Variants in DNAH10 observed in about 807,000 individuals in gnomAD.
DNAH10 encodes the protein dynein axonemal heavy chain 10.
In DNAH10, 348 loss-of-function variants were observed where a neutral mutation model predicts 506.6. The observed-to-expected ratio is 0.69, with a 90% CI of 0.63 to 0.75. The LOEUF is 0.75. Ranked by LOEUF, DNAH10 falls within the 30% of genes least tolerant of loss-of-function variation. The pLI is 0.00. For missense variants in DNAH10, 5,179 were observed against 5,787.1 expected (o/e 0.89, Z 3.41); for synonymous variants, 2,059 against 2,198.6 (o/e 0.94, Z 1.78).
Position 123,873,716 on chromosome 12 carries a change from T to A in DNAH10, c.7938+6T>A. On this transcript the variant is annotated splice_donor_region_variant and intron_variant, in intron 46 of 78. Transcript: ENST00000673944. Reference sequence around the variant, plus strand: ...ATGACATGAATATGCCAAGGGTAGTTTGACGCTCAAGCAGGTGGAGGGATG... The same window carrying A: ...ATGACATGAATATGCCAAGGGTAGTATGACGCTCAAGCAGGTGGAGGGATG... 6.2e-7 allele frequency: 1 copy of A among 1,602,914 alleles called. No homozygotes were observed. Among genetic ancestry groups the A allele is most frequent in the Non-Finnish European group, 8.5e-7 (1 of 1,174,490 alleles).
chr12:123,851,000 C>G lies in DNAH10; in HGVS notation c.6215C>G (p.Pro2072Arg), dbSNP rs771711069. Residue 2072 changes from proline to arginine, a missense_variant, in exon 35 of 79, where the codon CCT (proline) becomes CGT (arginine). By Grantham distance (103) the Pro-to-Arg change is moderately radical (BLOSUM62 -2). Transcript: ENST00000673944. This position sits in a 1 kb window ranked among gnomAD's most constrained non-coding sequence, Gnocchi z 5.5. ...LPESVKALFRPVVVIVPDLQQ... is the reference protein window; with the variant it reads ...LPESVKALFRRVVVIVPDLQQ... ...GAGTCGGTGAAGGCGCTGTTCAGGC[C>G]TGTGGTCGTGATCGTGCCCGACCTG... The G allele has an allele frequency of 1.2e-6, 2 of 1,614,030 alleles. No homozygotes were observed. Among genetic ancestry groups the G allele is most frequent in the Non-Finnish European group, 1.7e-6 (2 of 1,179,902 alleles).
rs1175142371 is a variant in DNAH10 at position 123,785,504 on chromosome 12, G to T, written c.1231-242G>T. On this transcript the variant is annotated intron_variant, in intron 8 of 78. Transcript: ENST00000673944. The surrounding 1 kb of genome is among the most constrained non-coding windows in gnomAD (Gnocchi z 4.1). The stretch of plus-strand genomic sequence containing the variant: ...ATAAAAAATTAGCCGGTGTAGTGGT[G>T]CATGCCTGTATTCTCAGCTTACTTG... Among the ~76,000 whole-genome samples, 1 of 152,070 alleles carries T rather than the reference G, an allele frequency of 6.6e-6. No homozygotes were observed. Among genetic ancestry groups the T allele is most frequent in the Non-Finnish European group, 1.5e-5 (1 of 68,018 alleles).
At chr12:123,805,922 G>A (rs1273227186) in intron 18 of DNAH10, among the ~76,000 whole-genome samples, 2 of 151,742 alleles carry the variant, frequency 1.3e-5, no homozygotes, top group Admixed American at 1.3e-4. Flanking sequence ...GACTACAGGC[G>A]CCCACCACTA....
rs973417502 is a variant in DNAH10, at chr12:123,828,235, C to T, written c.4391+1337C>T. 4.6e-5 allele frequency among the ~76,000 whole-genome samples: 7 copies of T among 150,806 alleles called. 1 individual carries two copies. Among genetic ancestry groups the T allele is most frequent in the Non-Finnish European group, 7.4e-5 (5 of 67,866 alleles). On this transcript the variant is annotated intron_variant, in intron 25 of 78. Coordinates refer to ENST00000673944, the MANE Select transcript of DNAH10 (RefSeq NM_001372106.1). ...CGCCTGTCTCTGAGCCAGAGACCTT[C>T]GCTCTAAGAAAGGTGAATGACCCTG...
intron 52 of DNAH10, among the ~76,000 whole-genome samples, chr12:123,889,507 G>A (rs912590582): frequency 3.3e-5 from 5 of 152,140 alleles, no homozygotes; most frequent in African/African-American, 9.7e-5. Flanking sequence ...ACATTTCAGC[G>A]TGTGAGTGGA....
At position 123,867,969 on chromosome 12, in the gene DNAH10, G is replaced by A. The variant is rs1951878590; in HGVS notation, c.7369G>A (p.Glu2457Lys). The A allele has an allele frequency of 6.2e-7, 1 of 1,613,946 alleles. No homozygotes were observed. Among genetic ancestry groups the A allele is most frequent in the East Asian group, 2.2e-5 (1 of 44,884 alleles). ...AGAAATAGAAGACCTTGACCTGCTG[G>A]AGTGCTACTTCCTGGAGGCTTTGTA... ...EGEIEDLDLL[E>K]CYFLEALYCS... The change falls in exon 43 of 79, where the codon GAG (glutamate) becomes AAG (lysine). Residue 2457 changes from glutamate to lysine, a missense_variant. Glu to Lys is a moderately conservative substitution (Grantham distance 56). Transcript: ENST00000673944.
Position 123,762,612 on chromosome 12 carries a change from G to A in DNAH10, c.214+62G>A. ...CCTCCTGCCCGTCCCGGCCTCTCCG[G>A]CGGGCGCCGGGGCTGCTAGAGCCTG... On this transcript the variant is annotated intron_variant, in intron 1 of 78. Transcript: ENST00000673944. This position sits in a 1 kb window ranked among gnomAD's most constrained non-coding sequence, Gnocchi z 5.0. 6.7e-7 allele frequency: 1 copy of A among 1,481,610 alleles called. No homozygotes were observed. The highest frequency in any genetic ancestry group is 1.4e-5 in the African/African-American group (1 of 70,036). The allele number at this position is 1,481,610 out of a possible 1,614,324, so 91.8% of individuals were successfully genotyped here. A position where few individuals can be genotyped will look rare whatever the true frequency, so the allele number is the denominator to read the frequency against.
chr12:123,902,694 G>A lies in DNAH10; in HGVS notation c.9641-245G>A, dbSNP rs1953578516. Reference sequence around the variant, plus strand: ...ATGGGATTTGTCCTGGATGGAGTGGGTGGGACACAGGTGGGCCAGTTGAGG... The same window carrying A: ...ATGGGATTTGTCCTGGATGGAGTGGATGGGACACAGGTGGGCCAGTTGAGG... On this transcript the variant is annotated intron_variant, in intron 56 of 78. Coordinates refer to ENST00000673944, the MANE Select transcript of DNAH10 (RefSeq NM_001372106.1). This position sits in a 1 kb window ranked among gnomAD's most constrained non-coding sequence, Gnocchi z 4.5. 6.6e-6 allele frequency among the ~76,000 whole-genome samples: 1 copy of A among 152,168 alleles called. No homozygotes were observed. Among genetic ancestry groups the A allele is most frequent in the Admixed American group, 6.5e-5 (1 of 15,274 alleles).
Position 123,784,197 on chromosome 12 carries a change from C to T in DNAH10, c.1230+20C>T. 6.3e-7 allele frequency: 1 copy of T among 1,599,786 alleles called. No homozygotes were observed. Among genetic ancestry groups the T allele is most frequent in the Non-Finnish European group, 8.6e-7 (1 of 1,166,936 alleles). On this transcript the variant is annotated intron_variant, in intron 8 of 78. Coordinates refer to ENST00000673944, the MANE Select transcript of DNAH10 (RefSeq NM_001372106.1). Reference sequence around the variant, plus strand: ...TTCAAGGTATGCTGGGTGTGCTGCACTTTGCAGTCAGCTCTGTCAAAGAGA... The same window carrying T: ...TTCAAGGTATGCTGGGTGTGCTGCATTTTGCAGTCAGCTCTGTCAAAGAGA...
rs887991079 is a variant in DNAH10 at position 123,864,347 on chromosome 12, A to T, written c.6909-248A>T. 2.0e-5 allele frequency among the ~76,000 whole-genome samples: 3 copies of T among 151,720 alleles called. No homozygotes were observed. The East Asian group carries it at 5.8e-4, about 29-fold the overall frequency. Reference sequence around the variant, plus strand: ...TTTTTAGTAGAGACGGGGTTTCACTATGTTGGCCAGACTGGTCTCGAACTC... The same window carrying T: ...TTTTTAGTAGAGACGGGGTTTCACTTTGTTGGCCAGACTGGTCTCGAACTC... On this transcript the variant is annotated intron_variant, in intron 39 of 78. Coordinates refer to ENST00000673944, the MANE Select transcript of DNAH10 (RefSeq NM_001372106.1).
chr12:123,793,787 G>A (rs1258814782), intron 11 of DNAH10, among the ~76,000 whole-genome samples, 155 bp from the exon 12 acceptor site: 1 of 152,066 alleles, frequency 6.6e-6, no homozygotes, highest in Non-Finnish European at 1.5e-5. Flanking sequence ...AATCAACATA[G>A]CCAATCTCCC....
At position 123,868,024 on chromosome 12, in the gene DNAH10, A is replaced by G; in HGVS notation, c.7424A>G (p.Asp2475Gly). 2 of 1,613,898 alleles carry G rather than the reference A, an allele frequency of 1.2e-6. No homozygotes were observed. The highest frequency in any genetic ancestry group is 1.7e-6 in the Non-Finnish European group (2 of 1,179,878). Residue 2475 changes from aspartate (D) to glycine (G), a missense_variant, in exon 43 of 79, where the codon GAT becomes GGT. By Grantham distance (94) the Asp-to-Gly change is moderately conservative (BLOSUM62 -1). This residue lies in a region of DNAH10 where 4,844 missense variants were observed against 5,430.5 expected (regional missense o/e 0.89). Coordinates refer to ENST00000673944, the MANE Select transcript of DNAH10 (RefSeq NM_001372106.1). ...TCTCTGGGAGCCTCCCTGCTTGAGG[A>G]TGGAAGGATGAAATTTGACGAATAT... The part of the protein sequence containing the change: ...YCSLGASLLE[D>G]GRMKFDEYIK...
intron 45 of DNAH10, among the ~76,000 whole-genome samples, chr12:123,873,011 G>A (rs192251002): frequency 2.6e-4 from 40 of 152,308 alleles, no homozygotes; most frequent in African/African-American, 8.7e-4. Context: ...GCATCCAGGG[G>A]GCTTCCCTCA....
Position 123,893,398 on chromosome 12 carries a change from TGG to T in DNAH10, c.9165_9166del (p.Asp3056HisfsTer15), listed in dbSNP as rs1566060031. 1 of 1,613,332 alleles carries T rather than the reference TGG, an allele frequency of 6.2e-7. No individual in the cohort carries two copies. Among genetic ancestry groups the T allele is most frequent in the Non-Finnish European group, 8.5e-7 (1 of 1,179,882 alleles). On this transcript the variant is annotated frameshift_variant, in exon 53 of 79. Transcript: ENST00000673944. LOFTEE classifies it high-confidence loss of function. ...CACATTGTCCTGGGCATGTCGCCAGTGGGGGACACCCTGAGGACCTGGTGCAG... is the reference window on the plus strand; with the variant it reads ...CACATTGTCCTGGGCATGTCGCCAGTGGGACACCCTGAGGACCTGGTGCAG...
At chr12:123,915,608 A>C (rs1954441639) in intron 62 of DNAH10, among the ~76,000 whole-genome samples, 1 of 152,094 alleles carries the variant, frequency 6.6e-6, no homozygotes, top group African/African-American at 2.4e-5. Flanking sequence ...ATTTCTTAGG[A>C]ATGGACTCAG....
Position 123,848,712 on chromosome 12 carries a change from A to C in DNAH10, c.5950-18A>C. On this transcript the variant is annotated intron_variant, in intron 33 of 78. Transcript: ENST00000673944. Reference sequence around the variant, plus strand: ...AAAGATGAAAATTGCCCTTGTCCTGACATGTCTTTCTTCCTAGGCCGTGGG... The same window carrying C: ...AAAGATGAAAATTGCCCTTGTCCTGCCATGTCTTTCTTCCTAGGCCGTGGG... 6.2e-7 allele frequency: 1 copy of C among 1,613,574 alleles called. No homozygotes were observed. The highest frequency in any genetic ancestry group is 8.5e-7 in the Non-Finnish European group (1 of 1,179,612).
intron 11 of DNAH10, among the ~76,000 whole-genome samples, chr12:123,792,317 T>G (rs1958107274): frequency 6.6e-6 from 1 of 152,190 alleles, no homozygotes; most frequent in Admixed American, 6.5e-5. Context: ...ACTTCTCTAA[T>G]ATCTCTGCCA....
At position 123,848,105 on chromosome 12, in the gene DNAH10, G is replaced by T. The variant is rs772298630; in HGVS notation, c.5949+10G>T. On this transcript the variant is annotated intron_variant, in intron 33 of 78. Transcript: ENST00000673944. ...AGGCATGGATTACAGGGTAAGGCCT[G>T]GCTGTCACCTTTGGTACTGGCTCAT... 3.7e-6 allele frequency: 6 copies of T among 1,610,672 alleles called. No homozygotes were observed. The Admixed American group carries it at 8.4e-5, about 23-fold the overall frequency.
At position 123,846,760 on chromosome 12, in the gene DNAH10, C is replaced by T. The variant is rs1030119573; in HGVS notation, c.5814+606C>T. On this transcript the variant is annotated intron_variant, in intron 32 of 78. Coordinates refer to ENST00000673944, the MANE Select transcript of DNAH10 (RefSeq NM_001372106.1). This position sits in a 1 kb window ranked among gnomAD's most constrained non-coding sequence, Gnocchi z 4.5. The stretch of plus-strand genomic sequence containing the variant: ...CCTCCCACCTTGGCCTCCTGAGTAG[C>T]TAGGACTATAGCATTCACTGCTGCA... Among the ~76,000 whole-genome samples the T allele has an allele frequency of 6.6e-6, 1 of 152,110 alleles. No homozygotes were observed. Among genetic ancestry groups the T allele is most frequent in the African/African-American group, 2.4e-5 (1 of 41,410 alleles).
Sources: gnomAD v4.1 joint callset for allele counts (sites outside exome capture counted in the v4.1 genomes callset) on GRCh38, gnomAD v4.1.1 for gene constraint, gnomAD v4.1.1 regional missense constraint, Gnocchi (gnomAD v3.1) non-coding constraint, MANE v1.5 for transcripts, NCBI Gene and HGNC (gene_info 2026-07-23, HGNC 2026-07-21) for gene names.